FHAD1: variants seen among roughly 807,000 people sequenced by gnomAD.
FHAD1 encodes forkhead-associated domain-containing protein 1.
A neutral mutation model predicts 191.3 loss-of-function variants in FHAD1; 146 were observed. That is an observed-to-expected ratio of 0.76 (90% CI 0.67 to 0.88). The LOEUF (loss-of-function observed/expected upper bound fraction) is 0.88, where lower values mean the gene tolerates loss of function less well. Among genes scored for constraint, FHAD1 ranks in the 40% least tolerant of loss-of-function variants. The pLI, the probability that FHAD1 is intolerant of heterozygous loss-of-function variation, is 0.00. For missense variants in FHAD1, 1,635 were observed against 1,785.8 expected (o/e 0.92, Z 1.52); for synonymous variants, 616 against 672.3 (o/e 0.92, Z 1.29).
At chr1:15,272,630 T>TGCAAGC in intron 3 of FHAD1, 101 bp downstream of exon 3, 1 of 1,037,822 alleles carries the variant, frequency 9.6e-7, no homozygotes, top group African/African-American at 1.6e-5. Flanking sequence ...TTGGTGCCAC[T>TGCAAGC]GTGATCGCAC....
In FHAD1 at chr1:15,395,033, G is replaced by C. The variant is rs552395411; in HGVS notation, c.4324-2264G>C. ...ATGCCTCATAAAACCTATGGGAAAG[G>C]CTGGGTGCGGTGGCTCACGCCTGTA... On this transcript the variant is annotated intron_variant, in intron 33 of 33. Coordinates refer to ENST00000688493, the MANE Select transcript of FHAD1 (RefSeq NM_001391957.1). Among the ~76,000 whole-genome samples, 109 of 152,280 alleles carry C rather than the reference G, an allele frequency of 7.2e-4. 1 individual carries two copies. The highest frequency in any genetic ancestry group is 2.6e-3 in the African/African-American group (108 of 41,548).
intron 20 of FHAD1, among the ~76,000 whole-genome samples, chr1:15,353,446 T>G (rs1419765059): frequency 2.0e-5 from 3 of 152,226 alleles, no homozygotes; most frequent in Non-Finnish European, 2.9e-5. Context: ...GGCTCGCACA[T>G]GTAATCCCAG....
chr1:15,380,023 G>A lies in FHAD1; in HGVS notation c.3706-678G>A, dbSNP rs112142647. On this transcript the variant is annotated intron_variant, in intron 28 of 33. Transcript: ENST00000688493. ...ATCTGCATCATCTCTGGAAAGGGTC[G>A]GAAGTGAGCGTCCAGTTTCCGCTGC... Among the ~76,000 whole-genome samples, 594 of 152,292 alleles carry A rather than the reference G, an allele frequency of 3.9e-3. 5 individuals are homozygous for A. The highest frequency in any genetic ancestry group is 0.013 in the African/African-American group (527 of 41,552).
intron 27 of FHAD1, among the ~76,000 whole-genome samples, chr1:15,374,858 TTG>T (rs1441744609): frequency 8.0e-5 from 9 of 112,088 alleles, no homozygotes; most frequent in East Asian, 4.5e-4. Flanking sequence ...GTTTTTTTTT[TTG>T]TTTGTTTTTT....
At chr1:15,270,482 A>C (rs1451383262) in intron 2 of FHAD1, among the ~76,000 whole-genome samples, 2 of 152,182 alleles carry the variant, frequency 1.3e-5, no homozygotes, top group African/African-American at 4.8e-5. Flanking sequence ...ATTGTTGTGA[A>C]GATGAAATAG....
intron 2 of FHAD1, among the ~76,000 whole-genome samples, chr1:15,264,967 A>G (rs757860427): frequency 1.3e-5 from 2 of 152,114 alleles, no homozygotes; most frequent in Admixed American, 6.6e-5. Flanking sequence ...TTAATGCATT[A>G]TGTTACACAG....
At chr1:15,242,725 G>A (rs1336822460), upstream of FHAD1, among the ~76,000 whole-genome samples, 1 of 152,202 alleles carries the variant, frequency 6.6e-6, no homozygotes, top group East Asian at 1.9e-4. Flanking sequence ...TTGTTCTGGA[G>A]TAGGACTGAG....
At chr1:15,367,049 G>C (rs1696697622) in intron 24 of FHAD1, among the ~76,000 whole-genome samples, 1 of 152,184 alleles carries the variant, frequency 6.6e-6, no homozygotes, top group Admixed American at 6.5e-5. Context: ...TTATGGCTGA[G>C]GTTTTTTTGT....
chr1:15,301,155 C>G, intron 5 of FHAD1, 50 bp from the exon 6 acceptor site: 1 of 1,504,340 alleles, frequency 6.6e-7, no homozygotes, highest in Non-Finnish European at 9.0e-7. Flanking sequence ...TGGGCTCAGC[C>G]TCACACCTAG....
At chr1:15,270,193 G>C (rs1655315641) in intron 2 of FHAD1, among the ~76,000 whole-genome samples, 1 of 152,224 alleles carries the variant, frequency 6.6e-6, no homozygotes. Flanking sequence ...TTACAGGCAT[G>C]AGCCACCACA....
Position 15,369,365 on chromosome 1 carries a change from C to A in FHAD1, c.3315-5C>A, listed in dbSNP as rs548386847. 4 of 1,551,974 alleles carry A rather than the reference C, an allele frequency of 2.6e-6. No homozygotes were observed. The highest frequency in any genetic ancestry group is 3.5e-6 in the Non-Finnish European group (4 of 1,147,038). ...CTCGTGCCATCCTCCTCTTCTCTACCCTAGGGCTTCCCAAGAGAAACACAG... is the reference window on the plus strand; with the variant it reads ...CTCGTGCCATCCTCCTCTTCTCTACACTAGGGCTTCCCAAGAGAAACACAG... On this transcript the variant is annotated splice_region_variant and splice_polypyrimidine_tract_variant and intron_variant, in intron 25 of 33. Transcript: ENST00000688493.
rs751839220 is a variant in FHAD1 at position 15,388,035 on chromosome 1, G to A, written c.4189-16G>A. ...AAGGTTAGCACTCTCTTGCTAACCT[G>A]ATACTTTTCACTCAGGAAAGTGTAG... On this transcript the variant is annotated splice_polypyrimidine_tract_variant and intron_variant, in intron 31 of 33. Transcript: ENST00000688493. The A allele has an allele frequency of 3.1e-6, 4 of 1,283,196 alleles. No individual in the cohort carries two copies. 79.5% of individuals were successfully genotyped at this position (1,283,196 alleles called of 1,614,324 possible).
chr1:15,351,066 T>C (rs2102459266), intron 19 of FHAD1, among the ~76,000 whole-genome samples: 1 of 152,314 alleles, frequency 6.6e-6, no homozygotes, highest in Admixed American at 6.5e-5. Context: ...CACATCTTGC[T>C]GGGTGCGATG....
intron 3 of FHAD1, among the ~76,000 whole-genome samples, chr1:15,279,193 G>A (rs542944068): frequency 2.0e-5 from 3 of 152,276 alleles, no homozygotes; most frequent in African/African-American, 7.2e-5. Context: ...AAACAAGTCA[G>A]AACTCGCATT....
downstream of FHAD1, chr1:15,399,819 A>G (rs889836615): frequency 2.6e-5 from 4 of 152,082 alleles, no homozygotes; most frequent in African/African-American, 9.7e-5. Flanking sequence ...GAGATAAAAA[A>G]CCCACAGAGG....
intron 5 of FHAD1, among the ~76,000 whole-genome samples, chr1:15,299,079 A>T (rs1667846974): frequency 6.6e-6 from 1 of 151,592 alleles, no homozygotes; most frequent in Non-Finnish European, 1.5e-5. Context: ...ACTTGCCTAT[A>T]GCCCCAGCTA....
intron 14 of FHAD1, among the ~76,000 whole-genome samples, chr1:15,333,823 T>C (rs1442018120): frequency 7.5e-6 from 1 of 133,402 alleles, no homozygotes; most frequent in Non-Finnish European, 1.6e-5. Context: ...ATTTTATTTA[T>C]CTTTTTTTTT....
intron 19 of FHAD1, 84 bp downstream of exon 19, chr1:15,349,233 T>C: frequency 9.3e-7 from 1 of 1,072,540 alleles, no homozygotes; most frequent in Admixed American, 2.2e-5. Context: ...ATCGGGCAGA[T>C]ATCAGAGCCA....
Position 15,345,201 on chromosome 1 carries a change from C to T in FHAD1, c.2238+11C>T, listed in dbSNP as rs549800431. 2 of 1,546,954 alleles carry T rather than the reference C, an allele frequency of 1.3e-6. No homozygotes were observed. Among genetic ancestry groups the T allele is most frequent in the East Asian group, 4.9e-5 (2 of 40,868 alleles). ...GCCCAGCAGAAGAAGGTATGTGGCTCAGGGAGACAGAGTCAGCTCGAGCCC... is the reference window on the plus strand; with the variant it reads ...GCCCAGCAGAAGAAGGTATGTGGCTTAGGGAGACAGAGTCAGCTCGAGCCC... On this transcript the variant is annotated intron_variant, in intron 17 of 33. Transcript: ENST00000688493.
Sources: gnomAD v4.1 joint callset for allele counts (sites outside exome capture counted in the v4.1 genomes callset) on GRCh38, gnomAD v4.1.1 for gene constraint, MANE v1.5 for transcripts, NCBI Gene and HGNC (gene_info 2026-07-23, HGNC 2026-07-21) for gene names.